Variants in PCDH15 observed in about 807,000 individuals in gnomAD.
PCDH15 encodes protocadherin-15.
In PCDH15, 129 loss-of-function variants were observed where a neutral mutation model predicts 178.5. The ratio of observed to expected loss-of-function variants is 0.72; its 90% CI spans 0.63 to 0.84. The LOEUF (loss-of-function observed/expected upper bound fraction) is 0.84. Among genes scored for constraint, PCDH15 ranks in the 40% least tolerant of loss-of-function variants. PCDH15 has a pLI of 0.00. For missense variants in PCDH15, 2,230 were observed against 2,099.9 expected, an observed-to-expected ratio of 1.06 and a Z score of -1.21; for synonymous variants, 800 against 732.0, an observed-to-expected ratio of 1.09 and a Z score of -1.50.
At chr10:53,937,140 T>G (rs1387692251) in intron 25 of PCDH15, among the ~76,000 whole-genome samples, 1 of 152,182 alleles carries the variant, frequency 6.6e-6, no homozygotes, top group Non-Finnish European at 1.5e-5. Flanking sequence ...TATACACATG[T>G]GCATTAGAGA....
chr10:54,779,639 A>C (rs1481105968), intron 1 of PCDH15, among the ~76,000 whole-genome samples: 2 of 150,724 alleles, frequency 1.3e-5, no homozygotes, highest in African/African-American at 4.9e-5. Flanking sequence ...TGCCTTCCCT[A>C]GCCAAAATGT....
intron 1 of PCDH15, among the ~76,000 whole-genome samples, chr10:54,678,816 A>T (rs909745970): frequency 1.3e-5 from 2 of 152,222 alleles, no homozygotes; most frequent in African/African-American, 4.8e-5. Context: ...ATGATACAAC[A>T]TTAAATAGAT....
At chr10:54,452,576 A>G (rs2076546675) in intron 3 of PCDH15, 2 of 152,090 alleles carry the variant, frequency 1.3e-5, no homozygotes, top group Non-Finnish European at 2.9e-5. Flanking sequence ...GAATCCTAGG[A>G]CTAAAGTTGG....
At chr10:55,373,788 T>C (rs1845558595) in intron 2 of PCDH15, among the ~76,000 whole-genome samples, 2 of 152,004 alleles carry the variant, frequency 1.3e-5, no homozygotes. Flanking sequence ...TCTAGGGATT[T>C]TATGGTTTCA....
intron 2 of PCDH15, among the ~76,000 whole-genome samples, chr10:55,390,964 G>A (rs183848198): frequency 5.8e-4 from 89 of 152,310 alleles, no homozygotes; most frequent in Non-Finnish European, 1.1e-3. Flanking sequence ...AGAATGGCAA[G>A]TGTGCATTGG....
chr10:55,593,403 A>G (rs1842880264), intron 2 of PCDH15, among the ~76,000 whole-genome samples: 2 of 152,014 alleles, frequency 1.3e-5, no homozygotes. Context: ...TTTATGTATC[A>G]AGGAAAAAAT....
intron 2 of PCDH15, among the ~76,000 whole-genome samples, chr10:54,627,420 G>C (rs1442847633): frequency 6.6e-6 from 1 of 152,134 alleles, no homozygotes; most frequent in African/African-American, 2.4e-5. Flanking sequence ...TCTCATGATA[G>C]TGAATGGGTC....
rs184656743 is a variant in PCDH15, at chr10:55,036,903, C to T, written c.-80+129673G>A. 3.2e-3 allele frequency among the ~76,000 whole-genome samples: 488 copies of T among 152,266 alleles called. 11 individuals carry two copies. The highest frequency in any genetic ancestry group is 0.029 in the Admixed American group (445 of 15,298). On this transcript the variant is annotated intron_variant, in intron 2 of 5. Coordinates refer to the PCDH15 transcript ENST00000458638. ...TTAAAAGGCACTTTATCTGTGTTAG[C>T]ATACCTAGGAACTAGTTACAGCAAG... is the stretch of plus-strand genomic sequence containing the variant.
chr10:54,078,762 T>TC (rs1351009746), intron 17 of PCDH15, among the ~76,000 whole-genome samples: 6 of 150,542 alleles, frequency 4.0e-5, no homozygotes, highest in Non-Finnish European at 8.8e-5. Flanking sequence ...CAATTTTTTT[T>TC]TTTTAAAGTG....
At position 54,853,314 on chromosome 10, in the gene PCDH15, T is replaced by TAC. The variant is rs1333572193; in HGVS notation, c.-29+44135_-29+44136insGT. Among the ~76,000 whole-genome samples the TAC allele has an allele frequency of 8.2e-3, 1,058 of 129,102 alleles. 19 individuals carry two copies. The highest frequency in any genetic ancestry group is 0.028 in the African/African-American group (950 of 33,768). 84.7% of individuals were successfully genotyped at this position (129,102 alleles called of 152,430 possible). Reference sequence around the variant, plus strand: ...GTATATATATATATATATATATATATATATACATACACACACATATACATA... The same window carrying TAC: ...GTATATATATATATATATATATATATACATATACATACACACACATATACATA... On this transcript the variant is annotated intron_variant, in intron 3 of 5. Coordinates refer to the PCDH15 transcript ENST00000458638.
chr10:55,421,585 G>A (rs1195622686), intron 2 of PCDH15, among the ~76,000 whole-genome samples: 2 of 149,450 alleles, frequency 1.3e-5, no homozygotes, highest in Admixed American at 1.4e-4. Context: ...TTTATCAGGA[G>A]ACTAAAATGA....
intron 9 of PCDH15, among the ~76,000 whole-genome samples, chr10:54,235,424 G>A (rs1245660371): frequency 4.6e-5 from 7 of 152,152 alleles, no homozygotes; most frequent in Admixed American, 3.9e-4. Context: ...GCATCCAACT[G>A]GCTCTGAGTA....
chr10:54,063,411 G>T (rs2135774082), intron 18 of PCDH15, among the ~76,000 whole-genome samples: 1 of 151,768 alleles, frequency 6.6e-6, no homozygotes, highest in Non-Finnish European at 1.5e-5. Flanking sequence ...TTTCTCCTTT[G>T]ATGATAATTT....
At chr10:54,539,065 T>C (rs1014915614) in intron 2 of PCDH15, among the ~76,000 whole-genome samples, 36 of 152,226 alleles carry the variant, frequency 2.4e-4, no homozygotes, top group African/African-American at 8.4e-4. Flanking sequence ...TATGAAATGC[T>C]TTTTCCATTT....
At chr10:54,710,554 CCA>C (rs1361839029) in intron 1 of PCDH15, among the ~76,000 whole-genome samples, 1 of 151,898 alleles carries the variant, frequency 6.6e-6, no homozygotes, top group Non-Finnish European at 1.5e-5. Context: ...TCTATAATGA[CCA>C]CAGTCTAGAT....
chr10:54,402,471 T>G (rs1952053628), intron 3 of PCDH15, among the ~76,000 whole-genome samples: 1 of 152,012 alleles, frequency 6.6e-6, no homozygotes, highest in African/African-American at 2.4e-5. Context: ...CACCTTTTAT[T>G]GCTTTCTTTA....
intron 15 of PCDH15, among the ~76,000 whole-genome samples, chr10:54,101,521 C>T (rs1457488119): frequency 6.6e-6 from 1 of 152,094 alleles, no homozygotes; most frequent in Non-Finnish European, 1.5e-5. Flanking sequence ...AACATAACCC[C>T]TTAGTATATT....
chr10:55,122,635 G>A (rs542791880), intron 2 of PCDH15, among the ~76,000 whole-genome samples: 2 of 152,200 alleles, frequency 1.3e-5, no homozygotes, highest in Admixed American at 6.6e-5. Context: ...AAAAGTCAAT[G>A]ATAGAAAACA....
At chr10:54,059,516 A>G (rs569647523) in intron 18 of PCDH15, among the ~76,000 whole-genome samples, 70 of 152,280 alleles carry the variant, frequency 4.6e-4, no homozygotes, top group Non-Finnish European at 8.1e-4. Context: ...TCTTTCTTAC[A>G]TATACACATG....
Sources: allele counts gnomAD v4.1 joint callset (sites outside exome capture counted in the v4.1 genomes callset), GRCh38; gene constraint gnomAD v4.1.1; transcripts MANE v1.5; gene names NCBI Gene and HGNC (gene_info 2026-07-23, HGNC 2026-07-21).